The following KCNQ1OT1 variants were observed in gnomAD, a reference collection of about 807,000 sequenced individuals.
KCNQ1OT1 encodes KCNQ1 antisense RNA 2 (non-protein coding).
exon 1 of KCNQ1OT1, chr11:2,699,504 AGGAGCCCCCAGGAGAG>A (rs1235911747): frequency 5.7e-6 from 1 of 175,876 alleles, no homozygotes; most frequent in Non-Finnish European, 9.0e-6. Context: ...TGCCGCGCTG[AGGAGCCCCCAGGAGAG>A]TGCCGCGCTG....
Position 2,611,921 on chromosome 11 carries a change from A to G in KCNQ1OT1, n.88074T>C. ...TACAATAAGCAGCTTAAGCAAAAAC[A>G]ATCTGCTTCAGGTTAATAATCTACT... is the stretch of plus-strand genomic sequence containing the variant. On this transcript the variant is annotated non_coding_transcript_exon_variant, in exon 1 of 1. Coordinates refer to ENST00000597346, the Ensembl canonical transcript of KCNQ1OT1. The surrounding 1 kb of genome is among the most constrained non-coding windows in gnomAD (Gnocchi z 5.3). 2.5e-6 allele frequency: 1 copy of G among 398,560 alleles called. No individual in the cohort carries two copies. 24.7% of individuals were successfully genotyped at this position (398,560 alleles called of 1,614,324 possible).
At chr11:2,629,545 G>C (rs1056389697) in exon 1 of KCNQ1OT1, 1 of 398,206 alleles carries the variant, frequency 2.5e-6, no homozygotes, top group South Asian at 1.3e-4. Context: ...ATTCTCTCAC[G>C]TGAGGATATC....
chr11:2,630,892 G>T (rs999215164), exon 1 of KCNQ1OT1: 1 of 398,324 alleles, frequency 2.5e-6, no homozygotes, highest in Non-Finnish European at 4.4e-6. Context: ...TCAGAACTTT[G>T]AATATATAAT....
chr11:2,665,322 A>G (rs994176465), exon 1 of KCNQ1OT1: 18 of 398,204 alleles, frequency 4.5e-5, no homozygotes, highest in Admixed American at 1.3e-4. Flanking sequence ...AAAGGTGGGA[A>G]GTAGAGACTG....
exon 1 of KCNQ1OT1, chr11:2,632,005 AC>A: frequency 2.5e-6 from 1 of 396,206 alleles, no homozygotes; most frequent in Non-Finnish European, 4.4e-6. Flanking sequence ...ACATGGTGAA[AC>A]CCCATCTCTA....
Position 2,659,175 on chromosome 11 carries a change from G to A in KCNQ1OT1, n.40820C>T, listed in dbSNP as rs1269142766. 2.5e-6 allele frequency: 1 copy of A among 398,462 alleles called. No homozygotes were observed. The highest frequency in any genetic ancestry group is 2.1e-5 in the African/African-American group (1 of 48,604). The allele number at this position is 398,462 out of a possible 1,614,324, so 24.7% of individuals were successfully genotyped here. ...TTCAGTTCTGTGGGTTTTGACAGAT[G>A]TCTGGAGTCATGTGTCCACAATCCA... is the stretch of plus-strand genomic sequence containing the variant. On this transcript the variant is annotated non_coding_transcript_exon_variant, in exon 1 of 1. Coordinates refer to ENST00000597346, the Ensembl canonical transcript of KCNQ1OT1. This position sits in a 1 kb window ranked among gnomAD's most constrained non-coding sequence, Gnocchi z 4.3.
exon 1 of KCNQ1OT1, chr11:2,641,372 C>G: frequency 5.0e-6 from 2 of 398,178 alleles, no homozygotes; most frequent in Non-Finnish European, 8.9e-6. Flanking sequence ...CTTGCATTTC[C>G]CTTATAATTA....
chr11:2,609,112 AG>A, exon 1 of KCNQ1OT1: 1 of 398,044 alleles, frequency 2.5e-6, no homozygotes, highest in Non-Finnish European at 4.4e-6. Context: ...CTTGAGGTGG[AG>A]AGTTGGCTTA....
exon 1 of KCNQ1OT1, chr11:2,694,218 G>C: frequency 5.0e-6 from 2 of 398,686 alleles, no homozygotes; most frequent in South Asian, 2.5e-4. Context: ...TGAGGCTATA[G>C]GTGTTAGATG....
In KCNQ1OT1 at chr11:2,652,553, T is replaced by G. The variant is rs1449493678; in HGVS notation, n.47442A>C. The G allele has an allele frequency of 5.0e-6, 2 of 398,458 alleles. No individual in the cohort carries two copies. The highest frequency in any genetic ancestry group is 4.1e-5 in the African/African-American group (2 of 48,616). The allele number at this position is 398,458 out of a possible 1,614,324, so 24.7% of individuals were successfully genotyped here. A position where few individuals can be genotyped will look rare whatever the true frequency, so the allele number is the denominator to read the frequency against. On this transcript the variant is annotated non_coding_transcript_exon_variant, in exon 1 of 1. Transcript: ENST00000597346. The surrounding 1 kb of genome is among the most constrained non-coding windows in gnomAD (Gnocchi z 5.9). ...GGAGAAGATAGTGCTTAACCCAGAT[T>G]CCATTGTATATTAAAGTTTCCTAGG...
Position 2,670,735 on chromosome 11 carries a change from A to C in KCNQ1OT1, n.29260T>G. ...TGGAGCAGGAGGGAACAGTCTGCAGATATTATCTGGGCACTGGCCAGTGGC... is the reference window on the plus strand; with the variant it reads ...TGGAGCAGGAGGGAACAGTCTGCAGCTATTATCTGGGCACTGGCCAGTGGC... On this transcript the variant is annotated non_coding_transcript_exon_variant, in exon 1 of 1. Transcript: ENST00000597346. The surrounding 1 kb of genome is among the most constrained non-coding windows in gnomAD (Gnocchi z 4.9). 1 of 398,578 alleles carries C rather than the reference A, an allele frequency of 2.5e-6. No individual in the cohort carries two copies. Among genetic ancestry groups the C allele is most frequent in the Non-Finnish European group, 4.4e-6 (1 of 226,072 alleles). 24.7% of individuals were successfully genotyped at this position (398,578 alleles called of 1,614,324 possible).
chr11:2,662,889 T>C (rs935505821), exon 1 of KCNQ1OT1: 45 of 398,758 alleles, frequency 1.1e-4, no homozygotes, highest in Admixed American at 1.8e-4. Flanking sequence ...TGTTTTGTTC[T>C]TTGGACTCTC....
Position 2,613,817 on chromosome 11 carries a change from T to G in KCNQ1OT1, n.86178A>C, listed in dbSNP as rs1849018167. On this transcript the variant is annotated non_coding_transcript_exon_variant, in exon 1 of 1. Transcript: ENST00000597346. The surrounding 1 kb of genome is among the most constrained non-coding windows in gnomAD (Gnocchi z 4.8). ...CCATCCTAATTCCCCCTACCCATTA[T>G]AGGTAACCAGTTTCAGTGTTTTCTA... is the stretch of plus-strand genomic sequence containing the variant. The G allele has an allele frequency of 2.5e-6, 1 of 398,436 alleles. No homozygotes were observed. Among genetic ancestry groups the G allele is most frequent in the African/African-American group, 2.1e-5 (1 of 48,612 alleles). The allele number at this position is 398,436 out of a possible 1,614,324, so 24.7% of individuals were successfully genotyped here.
rs568174891 is a variant in KCNQ1OT1, at chr11:2,645,676, T to C, written n.54319A>G. 45 of 398,782 alleles carry C rather than the reference T, an allele frequency of 1.1e-4. No homozygotes were observed. Among genetic ancestry groups the C allele is most frequent in the Non-Finnish European group, 1.7e-4 (39 of 226,198 alleles). The allele number at this position is 398,782 out of a possible 1,614,324, so 24.7% of individuals were successfully genotyped here. A position where few individuals can be genotyped will look rare whatever the true frequency, so the allele number is the denominator to read the frequency against. ...GAGGTAGCAGAGTATTGCCAATGGC[T>C]CATGCTTTGGCCTGGAGGGAGCAGT... On this transcript the variant is annotated non_coding_transcript_exon_variant, in exon 1 of 1. Coordinates refer to ENST00000597346, the Ensembl canonical transcript of KCNQ1OT1. The surrounding 1 kb of genome is among the most constrained non-coding windows in gnomAD (Gnocchi z 5.8).
Position 2,661,759 on chromosome 11 carries a change from G to C in KCNQ1OT1, n.38236C>G, listed in dbSNP as rs1849960026. 3.1e-6 allele frequency: 2 copies of C among 645,074 alleles called. No individual in the cohort carries two copies. The highest frequency in any genetic ancestry group is 5.6e-6 in the Non-Finnish European group (2 of 359,440). The allele number at this position is 645,074 out of a possible 1,614,324, so 40.0% of individuals were successfully genotyped here. On this transcript the variant is annotated non_coding_transcript_exon_variant, in exon 1 of 1. Transcript: ENST00000597346. The surrounding 1 kb of genome is among the most constrained non-coding windows in gnomAD (Gnocchi z 5.9). Reference sequence around the variant, plus strand: ...GATTCACTGGCCTTTATTCTCCTCAGACACTGAGGTGTCAGGCACTTTGGG... The same window carrying C: ...GATTCACTGGCCTTTATTCTCCTCACACACTGAGGTGTCAGGCACTTTGGG...
Position 2,670,377 on chromosome 11 carries a change from A to G in KCNQ1OT1, n.29618T>C. 1 of 398,466 alleles carries G rather than the reference A, an allele frequency of 2.5e-6. No individual in the cohort carries two copies. The highest frequency in any genetic ancestry group is 3.6e-5 in the East Asian group (1 of 28,072). 24.7% of individuals were successfully genotyped at this position (398,466 alleles called of 1,614,324 possible). On this transcript the variant is annotated non_coding_transcript_exon_variant, in exon 1 of 1. Coordinates refer to ENST00000597346, the Ensembl canonical transcript of KCNQ1OT1. This position sits in a 1 kb window ranked among gnomAD's most constrained non-coding sequence, Gnocchi z 4.9. ...GATGGTTAGTATAGGCTGAAATTCC[A>G]AGAGCATTAACCAGACACCTACTAT...
exon 1 of KCNQ1OT1, chr11:2,680,866 A>T: frequency 2.5e-6 from 1 of 398,610 alleles, no homozygotes. Context: ...CAATTCCCTG[A>T]AGATTCACCC....
Position 2,642,552 on chromosome 11 carries a change from G to A in KCNQ1OT1, n.57443C>T, listed in dbSNP as rs1370193224. 1 of 397,640 alleles carries A rather than the reference G, an allele frequency of 2.5e-6. No individual in the cohort carries two copies. The highest frequency in any genetic ancestry group is 4.4e-6 in the Non-Finnish European group (1 of 225,576). The allele number at this position is 397,640 out of a possible 1,614,324, so 24.6% of individuals were successfully genotyped here. A position where few individuals can be genotyped will look rare whatever the true frequency, so the allele number is the denominator to read the frequency against. On this transcript the variant is annotated non_coding_transcript_exon_variant, in exon 1 of 1. Coordinates refer to ENST00000597346, the Ensembl canonical transcript of KCNQ1OT1. This position sits in a 1 kb window ranked among gnomAD's most constrained non-coding sequence, Gnocchi z 4.3. The stretch of plus-strand genomic sequence containing the variant: ...TTCATTTTTGATTTTATTCATGTAG[G>A]TCTTCTCTCTTTTCTTCTTGGATAG...
chr11:2,610,059 C>T, exon 1 of KCNQ1OT1: 1 of 397,760 alleles, frequency 2.5e-6, no homozygotes, highest in Non-Finnish European at 4.4e-6. Context: ...TACTTTTGGT[C>T]TTTTCTATGT....
Sources: gnomAD v4.1 joint callset for allele counts on GRCh38, gnomAD v4.1.1 for gene constraint, Gnocchi (gnomAD v3.1) non-coding constraint, MANE v1.5 for transcripts, NCBI Gene and HGNC (gene_info 2026-07-23, HGNC 2026-07-21) for gene names.